Variants in ARHGAP10 observed in about 807,000 individuals in gnomAD.
The protein encoded by ARHGAP10 is rho GTPase-activating protein 10.
Under a neutral mutation model 108.6 loss-of-function variants are expected in ARHGAP10, and 87 were observed. That is an observed-to-expected ratio of 0.80 (90% CI 0.67 to 0.96). The LOEUF is 0.96. Ranked by LOEUF, ARHGAP10 falls within the 40% of genes least tolerant of loss-of-function variation. The probability of loss-of-function intolerance (pLI) is 0.00; values close to 1 mark genes in which losing one functional copy is unlikely to be tolerated. For synonymous variants in ARHGAP10, 347 were observed against 341.1 expected, an observed-to-expected ratio of 1.02 and a Z score of -0.19; for missense variants, 939 against 954.5, an observed-to-expected ratio of 0.98 and a Z score of 0.21.
chr4:147,918,568 A>G (rs914022436), intron 13 of ARHGAP10, among the ~76,000 whole-genome samples: 1 of 152,226 alleles, frequency 6.6e-6, no homozygotes, highest in East Asian at 1.9e-4. Context: ...TGGAAAATGT[A>G]TAATTGCATA....
At position 147,909,713 on chromosome 4, in the gene ARHGAP10, T is replaced by C; in HGVS notation, c.1117-19T>C. ...CTGATTTGATTAAAAAATTCTGTTTTTCCATTCTCTTTTATTAGCTGTCCC... is the reference window on the plus strand; with the variant it reads ...CTGATTTGATTAAAAAATTCTGTTTCTCCATTCTCTTTTATTAGCTGTCCC... On this transcript the variant is annotated intron_variant, in intron 11 of 22. Transcript: ENST00000336498. 4 of 1,605,542 alleles carry C rather than the reference T, an allele frequency of 2.5e-6. No homozygotes were observed. The highest frequency in any genetic ancestry group is 2.6e-6 in the Non-Finnish European group (3 of 1,172,962).
intron 13 of ARHGAP10, among the ~76,000 whole-genome samples, chr4:147,930,128 G>A (rs1287296175): frequency 1.3e-5 from 2 of 152,118 alleles, no homozygotes; most frequent in Non-Finnish European, 2.9e-5. Flanking sequence ...TCCATGCCAG[G>A]CAATCTGCTG....
intron 1 of ARHGAP10, among the ~76,000 whole-genome samples, chr4:147,790,017 A>G (rs1433855758): frequency 2.4e-5 from 3 of 124,060 alleles, no homozygotes; most frequent in Non-Finnish European, 5.0e-5. Context: ...TTTTTTTTTT[A>G]AATCCTAGTC....
At chr4:147,954,609 G>A (rs1738721991) in intron 15 of ARHGAP10, among the ~76,000 whole-genome samples, 1 of 151,854 alleles carries the variant, frequency 6.6e-6, no homozygotes, top group Non-Finnish European at 1.5e-5. Flanking sequence ...CTCCAGAAAG[G>A]CTGTACAGAC....
intron 22 of ARHGAP10, 52 bp from the exon 23 acceptor site, chr4:148,071,940 GA>G: frequency 6.6e-7 from 1 of 1,508,644 alleles, no homozygotes; most frequent in Non-Finnish European, 9.2e-7. Flanking sequence ...GAACACCCAG[GA>G]GGCAAGTACT....
chr4:147,803,540 C>T (rs543416962), intron 1 of ARHGAP10, among the ~76,000 whole-genome samples: 1 of 152,332 alleles, frequency 6.6e-6, no homozygotes, highest in East Asian at 1.9e-4. Flanking sequence ...GTTATTCCTT[C>T]TGTCTAACTC....
chr4:147,915,075 C>T (rs1313116784), intron 13 of ARHGAP10, among the ~76,000 whole-genome samples: 1 of 152,144 alleles, frequency 6.6e-6, no homozygotes, highest in African/African-American at 2.4e-5. Context: ...GAAGTACTGC[C>T]TTCACATTCT....
chr4:148,048,183 T>C (rs1303320043), intron 20 of ARHGAP10, among the ~76,000 whole-genome samples: 3 of 152,228 alleles, frequency 2.0e-5, no homozygotes, highest in Non-Finnish European at 4.4e-5. Flanking sequence ...AAATTATAGA[T>C]AATGGTGTCA....
At chr4:147,899,586 T>C (rs2126898146) in intron 10 of ARHGAP10, among the ~76,000 whole-genome samples, 1 of 152,288 alleles carries the variant, frequency 6.6e-6, no homozygotes, top group Admixed American at 6.5e-5. Flanking sequence ...TTCACTTTCA[T>C]TGGAACATAC....
chr4:147,795,471 ACAGGGTCT>A (rs1161672817), intron 1 of ARHGAP10, among the ~76,000 whole-genome samples: 1 of 151,988 alleles, frequency 6.6e-6, no homozygotes, highest in Non-Finnish European at 1.5e-5. Context: ...AATGAGTCTT[ACAGGGTCT>A]CTGTGGGTCC....
At chr4:147,814,903 T>C (rs1560772967) in intron 1 of ARHGAP10, among the ~76,000 whole-genome samples, 1 of 152,116 alleles carries the variant, frequency 6.6e-6, no homozygotes, top group African/African-American at 2.4e-5. Flanking sequence ...GATTTCAGTA[T>C]ATAAATTTGG....
intron 18 of ARHGAP10, among the ~76,000 whole-genome samples, chr4:147,967,890 T>A (rs1383258420): frequency 6.6e-6 from 1 of 152,066 alleles, no homozygotes; most frequent in Non-Finnish European, 1.5e-5. Flanking sequence ...TTCCCAAGAA[T>A]TATGATAAGT....
chr4:147,946,481 C>T, intron 14 of ARHGAP10, 136 bp from the exon 15 acceptor site: 1 of 621,024 alleles, frequency 1.6e-6, no homozygotes, highest in Admixed American at 3.3e-5. Flanking sequence ...TTAGAGAAAT[C>T]ATATATATAA....
chr4:148,036,364 CAGAT>C, intron 19 of ARHGAP10, among the ~76,000 whole-genome samples: 1 of 152,168 alleles, frequency 6.6e-6, no homozygotes, highest in Non-Finnish European at 1.5e-5. Flanking sequence ...TGTCCCCGCC[CAGAT>C]CTCATCTTGA....
chr4:147,934,985 C>T (rs374001381), intron 13 of ARHGAP10, among the ~76,000 whole-genome samples: 19 of 152,202 alleles, frequency 1.2e-4, no homozygotes, highest in East Asian at 9.7e-4. Flanking sequence ...TACTCACTGT[C>T]GAATCTTGGG....
intron 18 of ARHGAP10, among the ~76,000 whole-genome samples, chr4:147,968,213 G>A (rs1292878125): frequency 1.3e-5 from 2 of 152,174 alleles, no homozygotes; most frequent in African/African-American, 4.8e-5. Flanking sequence ...CTTTCGGAGT[G>A]CTGTTCTCAA....
intron 8 of ARHGAP10, among the ~76,000 whole-genome samples, chr4:147,875,898 A>G (rs571994163): frequency 6.6e-6 from 1 of 152,226 alleles, no homozygotes; most frequent in Non-Finnish European, 1.5e-5. Context: ...TACTACGTCA[A>G]CTGTACAACC....
chr4:147,739,269 T>C (rs765642990), intron 1 of ARHGAP10, among the ~76,000 whole-genome samples: 1 of 152,102 alleles, frequency 6.6e-6, no homozygotes, highest in Non-Finnish European at 1.5e-5. Flanking sequence ...CTAGAATTTA[T>C]TTTTGATTCA....
chr4:147,877,399 T>G (rs1236148397), intron 8 of ARHGAP10, among the ~76,000 whole-genome samples: 1 of 152,190 alleles, frequency 6.6e-6, no homozygotes, highest in Non-Finnish European at 1.5e-5. Context: ...CCTTTTCATC[T>G]ATTACCCCTG....
Sources: gnomAD v4.1 joint callset for allele counts (sites outside exome capture counted in the v4.1 genomes callset) on GRCh38, gnomAD v4.1.1 for gene constraint, MANE v1.5 for transcripts, NCBI Gene and HGNC (gene_info 2026-07-23, HGNC 2026-07-21) for gene names.